Variants in MIER3 observed in about 807,000 individuals in gnomAD.
The protein encoded by MIER3 is mesoderm induction early response protein 3.
A neutral mutation model predicts 63.2 loss-of-function variants in MIER3; 9 were observed. The observed-to-expected ratio is 0.14, with a 90% CI of 0.09 to 0.25. The LOEUF (loss-of-function observed/expected upper bound fraction) is 0.25. MIER3 is among the 10% of genes least tolerant of loss of function. The pLI is 1.00. For synonymous variants in MIER3, 205 were observed against 224.9 expected, an observed-to-expected ratio of 0.91 and a Z score of 0.79; for missense variants, 512 against 666.2, an observed-to-expected ratio of 0.77 and a Z score of 2.55.
At chr5:56,944,976 T>C (rs765953267) in intron 3 of MIER3, among the ~76,000 whole-genome samples, 16 of 152,282 alleles carry the variant, frequency 1.1e-4, no homozygotes, top group Non-Finnish European at 1.8e-4. Flanking sequence ...AGATTACATG[T>C]CTGAGCCACT....
Position 56,921,612 on chromosome 5 carries a change from A to G in MIER3, c.*1516T>C, listed in dbSNP as rs1174914324. On this transcript the variant is annotated 3_prime_UTR_variant, in exon 13 of 13. Coordinates refer to ENST00000381199, the MANE Select transcript of MIER3 (RefSeq NM_001297599.2). ...GATGTCATTGCAGTTCACAGTTTGT[A>G]TAATAAATACCCTCCCTTTCAATCA... The G allele has an allele frequency of 2.0e-5, 3 of 152,646 alleles. No individual in the cohort carries two copies. Among genetic ancestry groups the G allele is most frequent in the Non-Finnish European group, 4.4e-5 (3 of 68,028 alleles). 9.5% of individuals were successfully genotyped at this position (152,646 alleles called of 1,614,324 possible). A position where few individuals can be genotyped will look rare whatever the true frequency, so the allele number is the denominator to read the frequency against.
intron 3 of MIER3, among the ~76,000 whole-genome samples, chr5:56,941,904 G>A (rs1439393193): frequency 2.0e-5 from 3 of 152,152 alleles, no homozygotes; most frequent in Non-Finnish European, 2.9e-5. Context: ...ATGGGTCACT[G>A]GACGTGGGAG....
chr5:56,943,864 CTCT>C (rs1750736456), intron 3 of MIER3, among the ~76,000 whole-genome samples: 1 of 152,136 alleles, frequency 6.6e-6, no homozygotes, highest in South Asian at 2.1e-4. Flanking sequence ...TTTTCTCTTC[CTCT>C]TCTTGGGTAT....
intron 1 of MIER3, 115 bp from the exon 2 acceptor site, chr5:56,950,767 T>G: frequency 2.5e-6 from 3 of 1,202,402 alleles, no homozygotes; most frequent in South Asian, 1.3e-5. Flanking sequence ...CTGCCAAAAG[T>G]GCAAGACGTA....
intron 8 of MIER3, among the ~76,000 whole-genome samples, chr5:56,931,084 A>G (rs958642679): frequency 6.6e-6 from 1 of 152,160 alleles, no homozygotes; most frequent in African/African-American, 2.4e-5. Context: ...AGTTTGGAAA[A>G]ATTAGTTACA....
At chr5:56,924,955 C>T (rs1392613967) in intron 10 of MIER3, among the ~76,000 whole-genome samples, 2 of 152,202 alleles carry the variant, frequency 1.3e-5, no homozygotes, top group Non-Finnish European at 2.9e-5. Flanking sequence ...TATAAGTCTT[C>T]GCAGAGAATG....
intron 5 of MIER3, 37 bp downstream of exon 5, chr5:56,937,541 A>T (rs1388528021): frequency 6.3e-7 from 1 of 1,578,494 alleles, no homozygotes; most frequent in South Asian, 1.2e-5. Flanking sequence ...TACAGTATCA[A>T]TGTTACTATT....
chr5:56,939,142 T>A (rs536431763), intron 3 of MIER3, 125 bp from the exon 4 acceptor site: 365 of 1,055,182 alleles, frequency 3.5e-4, no homozygotes, highest in Non-Finnish European at 4.5e-4. Context: ...AAAGGCAAGT[T>A]TCAGTTTTTC....
At chr5:56,950,021 G>A (rs3889933) in intron 2 of MIER3, among the ~76,000 whole-genome samples, 2,203 of 152,142 alleles carry the variant, frequency 0.014, 19 homozygotes, top group Non-Finnish European at 0.024. Context: ...TCCTGACAGG[G>A]GTTTCTGACC....
At chr5:56,933,184 AAATAT>A in intron 8 of MIER3, 58 bp downstream of exon 8, 1 of 1,445,700 alleles carries the variant, frequency 6.9e-7, no homozygotes, top group South Asian at 1.6e-5. Flanking sequence ...TATCTGTATC[AAATAT>A]AAGAAATCAA....
intron 3 of MIER3, among the ~76,000 whole-genome samples, chr5:56,943,616 A>T (rs1750726245): frequency 6.6e-6 from 1 of 152,242 alleles, no homozygotes; most frequent in African/African-American, 2.4e-5. Flanking sequence ...GCTGATGCTA[A>T]AACACACATC....
intron 2 of MIER3, among the ~76,000 whole-genome samples, 161 bp downstream of exon 2, chr5:56,950,467 C>CTTTGTTTCTT (rs1194314742): frequency 1.3e-5 from 2 of 152,126 alleles, no homozygotes; most frequent in Non-Finnish European, 2.9e-5. Context: ...AACAGTATAA[C>CTTTGTTTCTT]TGTTTCTTCC....
At chr5:56,940,653 G>T (rs1426936335) in intron 3 of MIER3, among the ~76,000 whole-genome samples, 3 of 152,266 alleles carry the variant, frequency 2.0e-5, no homozygotes, top group Non-Finnish European at 4.4e-5. Context: ...TTTTTAGCTT[G>T]GGATTTAAAT....
At chr5:56,928,097 T>TAA (rs1194615336) in intron 10 of MIER3, 2 of 152,118 alleles carry the variant, frequency 1.3e-5, no homozygotes, top group Non-Finnish European at 2.9e-5. Flanking sequence ...GTGCCACACT[T>TAA]TGTTTATCCT....
rs1749816285 is a variant in MIER3, at chr5:56,923,863, C to T, written c.1053-30G>A. ...AAAACACACCCCAGTAATTTTATGA[C>T]TATATATTACAGTTAAAAGTAAGTC... is the stretch of plus-strand genomic sequence containing the variant. On this transcript the variant is annotated intron_variant, in intron 11 of 12. Coordinates refer to ENST00000381199, the MANE Select transcript of MIER3 (RefSeq NM_001297599.2). The T allele has an allele frequency of 1.9e-6, 3 of 1,613,972 alleles. No individual in the cohort carries two copies. In the South Asian group the frequency reaches 3.3e-5, roughly 18 times the overall value.
At chr5:56,934,129 T>C (rs1376564382) in intron 7 of MIER3, among the ~76,000 whole-genome samples, 1 of 152,182 alleles carries the variant, frequency 6.6e-6, no homozygotes, top group Admixed American at 6.5e-5. Flanking sequence ...GTCCAGTGCT[T>C]CAAGTGCAAT....
At chr5:56,945,174 G>A (rs6896131) in intron 3 of MIER3, among the ~76,000 whole-genome samples, 3,301 of 152,262 alleles carry the variant, frequency 0.022, 126 homozygotes, top group African/African-American at 0.076. Flanking sequence ...TCTTTAAAAA[G>A]TTCTACCAGC....
chr5:56,921,843 A>G lies in MIER3; in HGVS notation c.*1285T>C, dbSNP rs1749688926. The G allele has an allele frequency of 6.5e-6, 1 of 152,672 alleles. No individual in the cohort carries two copies. The highest frequency in any genetic ancestry group is 2.4e-5 in the African/African-American group (1 of 41,470). The allele number at this position is 152,672 out of a possible 1,614,324, so 9.5% of individuals were successfully genotyped here. On this transcript the variant is annotated 3_prime_UTR_variant, in exon 13 of 13. Transcript: ENST00000381199. ...AGATTACATCCTAATACTGTATTAC[A>G]TATTGTTTGATTCACCTTATAACTT...
Position 56,935,411 on chromosome 5 carries a change from T to C in MIER3, c.595+17A>G. On this transcript the variant is annotated intron_variant, in intron 7 of 12. Transcript: ENST00000381199. ...CCTTATCTACCAAACATTATCAAAATCAAAAGCTTTCCTTACCTTTCTCAT... is the reference window on the plus strand; with the variant it reads ...CCTTATCTACCAAACATTATCAAAACCAAAAGCTTTCCTTACCTTTCTCAT... 1 of 1,559,014 alleles carries C rather than the reference T, an allele frequency of 6.4e-7. No individual in the cohort carries two copies. Among genetic ancestry groups the C allele is most frequent in the Non-Finnish European group, 8.7e-7 (1 of 1,155,710 alleles).
Sources: allele counts gnomAD v4.1 joint callset (sites outside exome capture counted in the v4.1 genomes callset), GRCh38; gene constraint gnomAD v4.1.1; transcripts MANE v1.5; gene names NCBI Gene and HGNC (gene_info 2026-07-23, HGNC 2026-07-21).